The following CAST variants were observed in gnomAD, a reference collection of about 807,000 sequenced individuals.
CAST encodes calpastatin.
Under a neutral mutation model 119.6 loss-of-function variants are expected in CAST, and 76 were observed. The observed-to-expected ratio is 0.64, with a 90% CI of 0.53 to 0.77. The LOEUF is 0.77. Among genes scored for constraint, CAST ranks in the 30% least tolerant of loss-of-function variants. CAST has a pLI of 0.00. For missense variants in CAST, 953 were observed against 946.5 expected, an observed-to-expected ratio of 1.01 and a Z score of -0.09; for synonymous variants, 319 against 331.6, an observed-to-expected ratio of 0.96 and a Z score of 0.41.
chr5:96,436,541 T>C, the CAST span, among the ~76,000 whole-genome samples: 1 of 152,196 alleles, frequency 6.6e-6, no homozygotes, highest in African/African-American at 2.4e-5. Flanking sequence ...TTTATATTCT[T>C]AATAGCTGCT....
At chr5:96,679,234 T>C (rs1751053244) in intron 2 of CAST, 1 of 152,160 alleles carries the variant, frequency 6.6e-6, no homozygotes, top group Non-Finnish European at 1.5e-5. Flanking sequence ...TACTTGAGGA[T>C]AGGGTAAGGT....
the CAST span, among the ~76,000 whole-genome samples, chr5:96,089,774 C>T: frequency 3.9e-5 from 6 of 152,152 alleles, no homozygotes; most frequent in African/African-American, 1.4e-4. Context: ...TCACTGTATG[C>T]TTTTTTATAA....
chr5:96,750,015 T>G (rs1357882182), intron 19 of CAST, among the ~76,000 whole-genome samples: 1 of 152,172 alleles, frequency 6.6e-6, no homozygotes, highest in Non-Finnish European at 1.5e-5. Context: ...CTAGGTTCCC[T>G]TATGGTGCTG....
At chr5:96,441,060 G>A in the CAST span, among the ~76,000 whole-genome samples, 1 of 152,164 alleles carries the variant, frequency 6.6e-6, no homozygotes, top group Non-Finnish European at 1.5e-5. Flanking sequence ...TACGGAATGA[G>A]GGTATAATAG....
the CAST span, among the ~76,000 whole-genome samples, chr5:96,168,766 C>T: frequency 7.3e-5 from 11 of 151,720 alleles, no homozygotes; most frequent in South Asian, 2.1e-4. Context: ...GTGTGAGGCT[C>T]GATTAAAGTC....
chr5:96,687,088 A>G (rs1358327325), intron 2 of CAST, among the ~76,000 whole-genome samples: 1 of 152,206 alleles, frequency 6.6e-6, no homozygotes, highest in East Asian at 1.9e-4. Context: ...CGTTGGATGG[A>G]AAATTAAAAG....
the CAST span, among the ~76,000 whole-genome samples, chr5:96,389,330 C>T: frequency 1.3e-5 from 2 of 152,102 alleles, no homozygotes; most frequent in Non-Finnish European, 1.5e-5. Context: ...CATCTTTTCA[C>T]TATGTATTTA....
chr5:96,004,862 GACCC>G, the CAST span, among the ~76,000 whole-genome samples: 1 of 152,088 alleles, frequency 6.6e-6, no homozygotes, highest in East Asian at 1.9e-4. Flanking sequence ...TGAATGAAGA[GACCC>G]TTGTAAAGCA....
the CAST span, among the ~76,000 whole-genome samples, chr5:96,425,602 T>G: frequency 6.6e-6 from 1 of 152,166 alleles, no homozygotes; most frequent in African/African-American, 2.4e-5. Flanking sequence ...ACAACCTATT[T>G]TTTTCACAGC....
the CAST span, among the ~76,000 whole-genome samples, chr5:96,347,607 G>A: frequency 6.6e-6 from 1 of 152,004 alleles, no homozygotes; most frequent in Non-Finnish European, 1.5e-5. Flanking sequence ...CCTGCATCTT[G>A]GGCTTTTGAA....
At chr5:96,081,254 T>C in the CAST span, among the ~76,000 whole-genome samples, 1 of 152,156 alleles carries the variant, frequency 6.6e-6, no homozygotes, top group African/African-American at 2.4e-5. Flanking sequence ...CCAAGAGGTA[T>C]GTGAAATCTG....
the CAST span, among the ~76,000 whole-genome samples, chr5:96,380,568 A>T: frequency 6.6e-6 from 1 of 152,178 alleles, no homozygotes; most frequent in Admixed American, 6.5e-5. Flanking sequence ...GCAGAAAAAA[A>T]ATTCTTGAAA....
the CAST span, among the ~76,000 whole-genome samples, chr5:96,000,835 G>A: frequency 6.6e-6 from 1 of 152,174 alleles, no homozygotes; most frequent in Non-Finnish European, 1.5e-5. Context: ...AGATATTGAT[G>A]TTTGCTAATA....
the CAST span, among the ~76,000 whole-genome samples, chr5:96,295,306 C>G: frequency 6.6e-6 from 1 of 152,136 alleles, no homozygotes; most frequent in African/African-American, 2.4e-5. Flanking sequence ...AGGAGACATG[C>G]TTGACTTTGG....
the CAST span, among the ~76,000 whole-genome samples, chr5:96,062,718 G>T: frequency 3.9e-5 from 6 of 152,134 alleles, no homozygotes; most frequent in African/African-American, 1.4e-4. Context: ...CCCAATGGGG[G>T]TGTGGAAAAA....
At chr5:96,406,570 C>G in the CAST span, among the ~76,000 whole-genome samples, 1 of 152,318 alleles carries the variant, frequency 6.6e-6, no homozygotes, top group Non-Finnish European at 1.5e-5. Context: ...CCGAGATACC[C>G]AGGAATATAC....
intron 1 of CAST, among the ~76,000 whole-genome samples, chr5:96,595,784 G>A (rs75051533): frequency 0.027 from 4,063 of 152,224 alleles, 81 homozygotes; most frequent in Non-Finnish European, 0.044. Flanking sequence ...AGAGAAAAAA[G>A]ACAAATATAT....
the CAST span, among the ~76,000 whole-genome samples, chr5:96,006,024 A>G: frequency 6.6e-6 from 1 of 152,164 alleles, no homozygotes; most frequent in South Asian, 2.1e-4. Flanking sequence ...AGTATTACCA[A>G]TATCAGTTTA....
chr5:96,730,933 C>A, intron 9 of CAST, 73 bp downstream of exon 9: 1 of 1,150,466 alleles, frequency 8.7e-7, no homozygotes, highest in South Asian at 1.2e-5. Flanking sequence ...AACGTATGCT[C>A]AAATAACCTA....
Sources: gnomAD v4.1 joint callset for allele counts (sites outside exome capture counted in the v4.1 genomes callset) on GRCh38, gnomAD v4.1.1 for gene constraint, MANE v1.5 for transcripts, NCBI Gene and HGNC (gene_info 2026-07-23, HGNC 2026-07-21) for gene names.